Variants in SCUBE2 observed in about 807,000 individuals in gnomAD.
SCUBE2 encodes the protein signal peptide, CUB and EGF-like domain-containing protein 2.
A neutral mutation model predicts 125.9 loss-of-function variants in SCUBE2; 114 were observed. The observed-to-expected ratio is 0.91, with a 90% CI of 0.78 to 1.06. The LOEUF is 1.06. Among genes scored for constraint, SCUBE2 ranks in the 50% least tolerant of loss-of-function variants. SCUBE2 has a pLI of 0.00. For missense variants in SCUBE2, 1,255 were observed against 1,301.8 expected, an observed-to-expected ratio of 0.96 and a Z score of 0.55; for synonymous variants, 459 against 492.9, an observed-to-expected ratio of 0.93 and a Z score of 0.91.
chr11:9,069,763 G>T (rs1390997648), intron 4 of SCUBE2, among the ~76,000 whole-genome samples: 1 of 152,152 alleles, frequency 6.6e-6, no homozygotes, highest in Non-Finnish European at 1.5e-5. Flanking sequence ...ATTGCATGCA[G>T]GATCAGAGCC....
chr11:9,065,557 C>G (rs772717229), intron 7 of SCUBE2, among the ~76,000 whole-genome samples: 24 of 152,184 alleles, frequency 1.6e-4, no homozygotes, highest in Admixed American at 5.2e-4. Flanking sequence ...GGCGAATACC[C>G]TGGCCCTAAG....
At chr11:9,064,738 A>G (rs1010244875) in intron 7 of SCUBE2, 1 of 152,240 alleles carries the variant, frequency 6.6e-6, no homozygotes, top group Admixed American at 6.5e-5. Context: ...TAAAGAGCAG[A>G]AAAGAGCTCG....
chr11:9,056,119 C>T (rs1194369836), intron 9 of SCUBE2, among the ~76,000 whole-genome samples: 1 of 152,210 alleles, frequency 6.6e-6, no homozygotes, highest in Admixed American at 6.5e-5. Context: ...CCCTCATTTC[C>T]ACATTCTGTT....
intron 16 of SCUBE2, among the ~76,000 whole-genome samples, chr11:9,044,758 C>T (rs929428215): frequency 3.9e-5 from 6 of 152,170 alleles, no homozygotes; most frequent in African/African-American, 1.4e-4. Context: ...TCTCATCCTT[C>T]TGGCCTTCCT....
At chr11:9,087,212 T>C (rs1241941973) in intron 2 of SCUBE2, among the ~76,000 whole-genome samples, 13 of 152,158 alleles carry the variant, frequency 8.5e-5, no homozygotes, top group African/African-American at 2.9e-4. Flanking sequence ...TATATCAAAC[T>C]CAAAAGCCAA....
In SCUBE2 at chr11:9,091,401, T is replaced by C. The variant is rs1448976744; in HGVS notation, c.128A>G (p.Gln43Arg). 6 of 1,308,358 alleles carry C rather than the reference T, an allele frequency of 4.6e-6. No homozygotes were observed. In the South Asian group the frequency reaches 8.9e-5, roughly 19 times the overall value. 81.0% of individuals were successfully genotyped at this position (1,308,358 alleles called of 1,614,324 possible). A position where few individuals can be genotyped will look rare whatever the true frequency, so the allele number is the denominator to read the frequency against. The change falls in exon 1 of 23, where the codon CAG becomes CGG. Residue 43 changes from glutamine to arginine, a missense_variant. Transcript: ENST00000649792. The surrounding 1 kb of genome is among the most constrained non-coding windows in gnomAD (Gnocchi z 8.5). Reference sequence around the variant, plus strand: ...CCCCGCGGCCGGACACTCACCCTCCTGCGGCCCCGCGGCACGGCCCCGACC... The same window carrying C: ...CCCCGCGGCCGGACACTCACCCTCCCGCGGCCCCGCGGCACGGCCCCGACC... ...PPGRGRAAGP[Q>R]EDVDECAQGL...
rs1564839138 is a variant in SCUBE2, at chr11:9,069,363, T to C, written c.643+7A>G. 2 of 1,614,200 alleles carry C rather than the reference T, an allele frequency of 1.2e-6. No homozygotes were observed. The highest frequency in any genetic ancestry group is 1.7e-5 in the Admixed American group (1 of 60,030). On this transcript the variant is annotated splice_region_variant and intron_variant, in intron 5 of 22. Transcript: ENST00000649792. ...CCCATGGCAGGTGTGCACTGGCCCA[T>C]ACTTACAGATGCAGTCTCTCTGGTT... is the stretch of plus-strand genomic sequence containing the variant.
chr11:9,039,331 T>C (rs541822410), intron 16 of SCUBE2, among the ~76,000 whole-genome samples: 3 of 152,266 alleles, frequency 2.0e-5, no homozygotes, highest in African/African-American at 7.2e-5. Context: ...AAGGCAGAGC[T>C]GACAGGATTT....
intron 2 of SCUBE2, among the ~76,000 whole-genome samples, chr11:9,079,915 C>T (rs758945817): frequency 4.6e-5 from 7 of 152,150 alleles, no homozygotes; most frequent in Non-Finnish European, 5.9e-5. Flanking sequence ...TAAAAACACA[C>T]ACAAAATTTC....
chr11:9,056,022 T>TA (rs1198328183), intron 9 of SCUBE2, 113 bp from the exon 10 acceptor site: 1 of 780,012 alleles, frequency 1.3e-6, no homozygotes, highest in African/African-American at 1.7e-5. Flanking sequence ...ACACACAGAG[T>TA]AAAAAACATT....
Position 9,025,738 on chromosome 11 carries a change from C to T in SCUBE2, c.2818G>A (p.Ala940Thr), listed in dbSNP as rs762060134. 63 of 1,614,168 alleles carry T rather than the reference C, an allele frequency of 3.9e-5. No individual in the cohort carries two copies. Among genetic ancestry groups the T allele is most frequent in the Non-Finnish European group, 5.3e-5 (63 of 1,180,028 alleles). The change falls in exon 21 of 23, where the codon GCT becomes ACT. Residue 940 changes from alanine to threonine, a missense_variant. By Grantham distance (58) the Ala-to-Thr change is moderately conservative (BLOSUM62 0). This residue lies in a region of SCUBE2 where 515 missense variants were observed against 515.7 expected (regional missense o/e 1.00). Transcript: ENST00000649792. Reference sequence around the variant, plus strand: ...ACGTATGGGACCTGGAACCCTCTAGCGCTGTTCCCTTCATTGGACTTGAAC... The same window carrying T: ...ACGTATGGGACCTGGAACCCTCTAGTGCTGTTCCCTTCATTGGACTTGAAC... The part of the protein sequence containing the change: ...IQFKSNEGNS[A>T]RGFQVPYVTY...
At chr11:9,055,946 C>T (rs1317882110) in intron 9 of SCUBE2, 37 bp from the exon 10 acceptor site, 2 of 1,506,476 alleles carry the variant, frequency 1.3e-6, no homozygotes, top group Non-Finnish European at 1.8e-6. Flanking sequence ...CTGAAACCCA[C>T]TCTGAGGGAT....
intron 14 of SCUBE2, among the ~76,000 whole-genome samples, chr11:9,049,669 T>G (rs907320593): frequency 2.6e-5 from 4 of 152,158 alleles, no homozygotes; most frequent in African/African-American, 9.7e-5. Context: ...CCCACCCAGA[T>G]GTAACCACTA....
At chr11:9,033,032 G>A (rs1013588755) in intron 17 of SCUBE2, among the ~76,000 whole-genome samples, 1 of 152,106 alleles carries the variant, frequency 6.6e-6, no homozygotes, top group African/African-American at 2.4e-5. Flanking sequence ...GATCACACCT[G>A]CCATTGGAGC....
Position 9,020,960 on chromosome 11 carries a change from G to T in SCUBE2, c.*85C>A. 8.0e-7 allele frequency: 1 copy of T among 1,248,192 alleles called. No individual in the cohort carries two copies. 77.3% of individuals were successfully genotyped at this position (1,248,192 alleles called of 1,614,324 possible). On this transcript the variant is annotated 3_prime_UTR_variant, in exon 23 of 23. Coordinates refer to ENST00000649792, the MANE Select transcript of SCUBE2 (RefSeq NM_001367977.2). The stretch of plus-strand genomic sequence containing the variant: ...ACTGATACGGGAGGCAGCAATACCC[G>T]ACTGTGCTGACATGCAGAAGGAAGA...
At chr11:9,064,093 C>T (rs756591289) in intron 7 of SCUBE2, among the ~76,000 whole-genome samples, 3 of 151,654 alleles carry the variant, frequency 2.0e-5, no homozygotes, top group Admixed American at 6.6e-5. Context: ...GTGTGTATTG[C>T]GGGGGGAAGC....
At chr11:9,033,252 G>A (rs1251131325) in intron 17 of SCUBE2, among the ~76,000 whole-genome samples, 2 of 152,152 alleles carry the variant, frequency 1.3e-5, no homozygotes, top group African/African-American at 2.4e-5. Context: ...AAGAATTTGA[G>A]ACCAAAGCTG....
At position 9,091,457 on chromosome 11, in the gene SCUBE2, T is replaced by C. The variant is rs938893782; in HGVS notation, c.72A>G (p.Pro24=). Reference sequence around the variant, plus strand: ...GGACGGCCCCCGCCAGCAGCAGCAGTGGCGGCAGCAGCAGCAGCAGCAGCA... The same window carrying C: ...GGACGGCCCCCGCCAGCAGCAGCAGCGGCGGCAGCAGCAGCAGCAGCAGCA... ...AVLLLLLLLP[P]LLLLAGAVPP... Residue 24 remains proline (P), a synonymous_variant, in exon 1 of 23, where the codon CCA becomes CCG. Coordinates refer to ENST00000649792, the MANE Select transcript of SCUBE2 (RefSeq NM_001367977.2). This position sits in a 1 kb window ranked among gnomAD's most constrained non-coding sequence, Gnocchi z 8.5. 7.9e-5 allele frequency: 103 copies of C among 1,297,878 alleles called. No individual in the cohort carries two copies. Among genetic ancestry groups the C allele is most frequent in the Non-Finnish European group, 9.8e-5 (101 of 1,030,928 alleles). The allele number at this position is 1,297,878 out of a possible 1,614,324, so 80.4% of individuals were successfully genotyped here. A position where few individuals can be genotyped will look rare whatever the true frequency, so the allele number is the denominator to read the frequency against.
rs748886051 is a variant in SCUBE2 at position 9,047,481 on chromosome 11, T to C, written c.1877A>G (p.His626Arg). ...KAIRTLRKAV[H>R]REQFHLQLSG... ...GAGCTGGAGGTGAAACTGCTCCCTG[T>C]GGACGGCCTTTCTGAGCGTGCGGAT... The change falls in exon 16 of 23, where the codon CAC (histidine) becomes CGC (arginine). Residue 626 changes from histidine to arginine, a missense_variant. This residue lies in a region of SCUBE2 where 515 missense variants were observed against 515.7 expected (regional missense o/e 1.00). Coordinates refer to ENST00000649792, the MANE Select transcript of SCUBE2 (RefSeq NM_001367977.2). The C allele has an allele frequency of 6.2e-6, 10 of 1,613,872 alleles. No homozygotes were observed. The highest frequency in any genetic ancestry group is 5.3e-5 in the African/African-American group (4 of 74,854).
Sources: allele counts gnomAD v4.1 joint callset (sites outside exome capture counted in the v4.1 genomes callset), GRCh38; gene constraint gnomAD v4.1.1; regional missense constraint gnomAD v4.1.1; non-coding constraint Gnocchi (gnomAD v3.1); transcripts MANE v1.5; gene names NCBI Gene and HGNC (gene_info 2026-07-23, HGNC 2026-07-21).